Variants in SYCP1 observed in about 807,000 individuals in gnomAD.
SYCP1 encodes synaptonemal complex protein 1.
Under a neutral mutation model 153.1 loss-of-function variants are expected in SYCP1, and 64 were observed. The observed-to-expected ratio is 0.42, with a 90% CI of 0.34 to 0.51. The LOEUF (loss-of-function observed/expected upper bound fraction) is 0.51, where lower values mean the gene tolerates loss of function less well. Among genes scored for constraint, SYCP1 ranks in the 20% least tolerant of loss-of-function variants. The probability of loss-of-function intolerance (pLI) is 0.06; values close to 1 mark genes in which losing one functional copy is unlikely to be tolerated. For synonymous variants in SYCP1, 384 were observed against 341.8 expected, an observed-to-expected ratio of 1.12 and a Z score of -1.36; for missense variants, 997 against 1,049.0, an observed-to-expected ratio of 0.95 and a Z score of 0.68.
Position 114,946,388 on chromosome 1 carries a change from T to C in SYCP1, c.2247+7T>C, listed in dbSNP as rs778099268. The stretch of plus-strand genomic sequence containing the variant: ...ATCACTGAGAGCATCTTTGGTGAGA[T>C]ACAGAAAAAATTGCAGTAACGGCCA... On this transcript the variant is annotated splice_region_variant and intron_variant, in intron 26 of 31. Transcript: ENST00000369522. 4 of 1,568,370 alleles carry C rather than the reference T, an allele frequency of 2.6e-6. No homozygotes were observed. The highest frequency in any genetic ancestry group is 2.8e-5 in the African/African-American group (2 of 71,840).
chr1:114,923,435 C>T lies in SYCP1; in HGVS notation c.1719-14C>T. On this transcript the variant is annotated splice_polypyrimidine_tract_variant and intron_variant, in intron 20 of 31. Coordinates refer to ENST00000369522, the MANE Select transcript of SYCP1 (RefSeq NM_003176.4). The stretch of plus-strand genomic sequence containing the variant: ...TAATTTTTAGTATAATGTCACTCTT[C>T]CATTTTCTTTTAGAAATGAACTAGA... 6.4e-7 allele frequency: 1 copy of T among 1,558,382 alleles called. No individual in the cohort carries two copies. The highest frequency in any genetic ancestry group is 8.7e-7 in the Non-Finnish European group (1 of 1,147,864).
chr1:114,982,001 C>T (rs1673187316), intron 29 of SYCP1, among the ~76,000 whole-genome samples: 1 of 152,068 alleles, frequency 6.6e-6, no homozygotes. Context: ...GGAGCAGATG[C>T]CTCTAGCAAA....
chr1:114,969,580 C>A (rs184113878), intron 27 of SYCP1, among the ~76,000 whole-genome samples: 1 of 152,320 alleles, frequency 6.6e-6, no homozygotes, highest in East Asian at 1.9e-4. Flanking sequence ...GCTTGTTGGG[C>A]TCCATGGGGA....
chr1:114,858,821 A>G (rs1381168742), intron 6 of SYCP1, 110 bp downstream of exon 6: 15 of 961,580 alleles, frequency 1.6e-5, no homozygotes, highest in Non-Finnish European at 2.2e-5. Context: ...TTTGTGATGA[A>G]TATTTTAAGG....
At chr1:114,871,162 C>T (rs533038841) in intron 8 of SYCP1, among the ~76,000 whole-genome samples, 11 of 147,210 alleles carry the variant, frequency 7.5e-5, no homozygotes, top group African/African-American at 2.7e-4. Context: ...TTCCTCCCAT[C>T]TTTTTTTTTT....
intron 27 of SYCP1, among the ~76,000 whole-genome samples, chr1:114,959,940 A>C (rs1229113935): frequency 1.3e-5 from 2 of 152,046 alleles, no homozygotes. Context: ...TTATGGCTGA[A>C]TAGTAGTTCA....
chr1:114,982,112 C>G (rs1673196558), intron 29 of SYCP1, among the ~76,000 whole-genome samples: 1 of 152,032 alleles, frequency 6.6e-6, no homozygotes, highest in Non-Finnish European at 1.5e-5. Context: ...TACTTTTGAT[C>G]TCTCTTACCT....
intron 23 of SYCP1, among the ~76,000 whole-genome samples, chr1:114,938,278 T>G (rs1326073151): frequency 6.6e-6 from 1 of 152,052 alleles, no homozygotes; most frequent in Non-Finnish European, 1.5e-5. Context: ...ACCATCATTC[T>G]GAGCAAACTA....
chr1:114,915,063 A>G (rs1668428711), intron 20 of SYCP1, among the ~76,000 whole-genome samples: 1 of 152,062 alleles, frequency 6.6e-6, no homozygotes, highest in Admixed American at 6.6e-5. Flanking sequence ...TAATCAAAAA[A>G]TTAAAGAAAG....
chr1:114,876,442 T>C (rs1343516442), intron 10 of SYCP1, among the ~76,000 whole-genome samples: 1 of 151,884 alleles, frequency 6.6e-6, no homozygotes, highest in African/African-American at 2.4e-5. Flanking sequence ...TAATTGTATA[T>C]GTATCATATT....
intron 27 of SYCP1, among the ~76,000 whole-genome samples, chr1:114,948,743 A>G (rs1670908573): frequency 6.6e-6 from 1 of 152,136 alleles, no homozygotes; most frequent in South Asian, 2.1e-4. Context: ...TGAAATTTTT[A>G]TATTTTCAAT....
At chr1:114,939,130 C>T (rs1670228882) in intron 23 of SYCP1, among the ~76,000 whole-genome samples, 1 of 152,120 alleles carries the variant, frequency 6.6e-6, no homozygotes, top group Non-Finnish European at 1.5e-5. Flanking sequence ...CAACATTATT[C>T]ACAATAGCCA....
intron 15 of SYCP1, among the ~76,000 whole-genome samples, chr1:114,888,161 A>C (rs1356779140): frequency 6.6e-6 from 1 of 152,088 alleles, no homozygotes; most frequent in Non-Finnish European, 1.5e-5. Context: ...CGAGAGAGAC[A>C]TTCTCTACAG....
rs1352700119 is a variant in SYCP1 at position 114,955,591 on chromosome 1, G to A, written c.2322+8271G>A. 2.0e-5 allele frequency among the ~76,000 whole-genome samples: 3 copies of A among 152,218 alleles called. No individual in the cohort carries two copies. The East Asian group carries it at 5.8e-4, about 29-fold the overall frequency. On this transcript the variant is annotated intron_variant, in intron 27 of 31. Transcript: ENST00000369522. Reference sequence around the variant, plus strand: ...TTCAATTTCTGTAATGGTTAATTAGGCTGTTTCAGGGTCACCATTAACCCA... The same window carrying A: ...TTCAATTTCTGTAATGGTTAATTAGACTGTTTCAGGGTCACCATTAACCCA...
intron 8 of SYCP1, among the ~76,000 whole-genome samples, chr1:114,869,975 A>T (rs1004439718): frequency 6.6e-6 from 1 of 152,098 alleles, no homozygotes; most frequent in African/African-American, 2.4e-5. Context: ...AAATTGTTAT[A>T]TCTCCTTGGA....
chr1:114,899,077 C>T (rs1167409684), intron 16 of SYCP1, among the ~76,000 whole-genome samples: 5 of 152,152 alleles, frequency 3.3e-5, no homozygotes. Context: ...GGAAGCATAC[C>T]CTTCCAGTCA....
In SYCP1 at chr1:114,898,988, T is replaced by C. The variant is rs543607939; in HGVS notation, c.1320+3479T>C. On this transcript the variant is annotated intron_variant, in intron 16 of 31. Transcript: ENST00000369522. ...ACAGGTCAGGAACCCTGTATGGGGC[T>C]GTGCAGACAACGGTGTGAGGCCAGT... 5.0e-4 allele frequency among the ~76,000 whole-genome samples: 76 copies of C among 152,340 alleles called. 1 individual carries two copies. The highest frequency in any genetic ancestry group is 1.1e-3 in the Admixed American group (17 of 15,302).
At chr1:114,975,876 CTCTGTGG>C (rs1672765091) in intron 27 of SYCP1, among the ~76,000 whole-genome samples, 2 of 151,868 alleles carry the variant, frequency 1.3e-5, no homozygotes, top group Non-Finnish European at 3.0e-5. Context: ...TACTCTGTGA[CTCTGTGG>C]TCAGAACAAA....
At position 114,946,409 on chromosome 1, in the gene SYCP1, G is replaced by A. The variant is rs746087717; in HGVS notation, c.2247+28G>A. Reference sequence around the variant, plus strand: ...GAGATACAGAAAAAATTGCAGTAACGGCCAGTTTTCATAATGTCAGCAGTG... The same window carrying A: ...GAGATACAGAAAAAATTGCAGTAACAGCCAGTTTTCATAATGTCAGCAGTG... On this transcript the variant is annotated intron_variant, in intron 26 of 31. Transcript: ENST00000369522. 79 of 1,431,708 alleles carry A rather than the reference G, an allele frequency of 5.5e-5. 1 individual carries two copies. The East Asian group carries it at 1.9e-3, about 34-fold the overall frequency. The allele number at this position is 1,431,708 out of a possible 1,614,324, so 88.7% of individuals were successfully genotyped here.
Sources: gnomAD v4.1 joint callset for allele counts (sites outside exome capture counted in the v4.1 genomes callset) on GRCh38, gnomAD v4.1.1 for gene constraint, MANE v1.5 for transcripts, NCBI Gene and HGNC (gene_info 2026-07-23, HGNC 2026-07-21) for gene names.